The following DST variants were observed in gnomAD, a reference collection of about 807,000 sequenced individuals.
DST encodes dystonin.
A neutral mutation model predicts 875.2 loss-of-function variants in DST; 253 were observed. That is an observed-to-expected ratio of 0.29 (90% CI 0.26 to 0.32). The LOEUF (loss-of-function observed/expected upper bound fraction) is 0.32. Among genes scored for constraint, DST ranks in the 10% least tolerant of loss-of-function variants. The pLI, the probability that DST is intolerant of heterozygous loss-of-function variation, is 1.00. For missense variants in DST, 8,287 were observed against 9,111.6 expected (o/e 0.91, Z 3.68); for synonymous variants, 3,124 against 3,197.1 (o/e 0.98, Z 0.77).
chr6:56,817,240 C>T (rs1048274555), intron 4 of DST, among the ~76,000 whole-genome samples: 1 of 152,024 alleles, frequency 6.6e-6, no homozygotes, highest in Non-Finnish European at 1.5e-5. Context: ...GGTAACCTTA[C>T]TGATCTAATA....
rs9475734 is a variant in DST, at chr6:56,824,211, T to G, written c.625+27186A>C. On this transcript the variant is annotated intron_variant, in intron 4 of 103. Coordinates refer to ENST00000680361, the MANE Select transcript of DST (RefSeq NM_001374736.1). ...TTTTTGGTGGAGACAGGGTTTCGCTTTGTTGGCCGGGCTGGTCTCCAGCTC... is the reference window on the plus strand; with the variant it reads ...TTTTTGGTGGAGACAGGGTTTCGCTGTGTTGGCCGGGCTGGTCTCCAGCTC... Among the ~76,000 whole-genome samples, 821 of 152,290 alleles carry G rather than the reference T, an allele frequency of 5.4e-3. 6 individuals carry two copies. Among genetic ancestry groups the G allele is most frequent in the African/African-American group, 0.018 (741 of 41,586 alleles).
chr6:56,573,154 A>C, intron 51 of DST, 90 bp from the exon 52 acceptor site: 1 of 1,133,198 alleles, frequency 8.8e-7, no homozygotes, highest in Non-Finnish European at 1.2e-6. Flanking sequence ...CTAACAACAT[A>C]AGCTTGCACA....
chr6:56,618,875 T>C (rs751617580), intron 36 of DST: 2 of 1,614,048 alleles, frequency 1.2e-6, no homozygotes, highest in African/African-American at 2.7e-5. Flanking sequence ...TAATTCGTCT[T>C]GTACTTTTTT....
intron 3 of DST, among the ~76,000 whole-genome samples, chr6:56,855,112 T>C (rs1359662594): frequency 2.0e-5 from 3 of 152,216 alleles, no homozygotes; most frequent in Non-Finnish European, 4.4e-5. Context: ...TCTGGACTGA[T>C]ACTGAATCTC....
chr6:56,762,803 T>G (rs1289974554), intron 4 of DST, among the ~76,000 whole-genome samples: 1 of 152,106 alleles, frequency 6.6e-6, no homozygotes, highest in Non-Finnish European at 1.5e-5. Flanking sequence ...ACAATCACTT[T>G]GTACTATACC....
chr6:56,611,744 G>C, intron 37 of DST, 148 bp from the exon 38 acceptor site: 1 of 602,922 alleles, frequency 1.7e-6, no homozygotes. Context: ...GTTATTAGCA[G>C]TCTATAGAGC....
At chr6:56,460,802 A>G (rs144820427) in intron 102 of DST, 4,476 of 152,392 alleles carry the variant, frequency 0.029, 82 homozygotes, top group Non-Finnish European at 0.042. Context: ...TGATTTTTAA[A>G]TAACTTGCTA....
At chr6:56,654,709 C>A (rs1206528183) in intron 10 of DST, among the ~76,000 whole-genome samples, 17 of 151,526 alleles carry the variant, frequency 1.1e-4, no homozygotes, top group Admixed American at 1.1e-3. Context: ...TAACAGGTAG[C>A]CAAAGCTAGC....
chr6:56,790,442 T>A (rs1161463754), intron 4 of DST, among the ~76,000 whole-genome samples: 1 of 152,198 alleles, frequency 6.6e-6, no homozygotes, highest in African/African-American at 2.4e-5. Flanking sequence ...AACTGTCTTA[T>A]TAATTCTCAG....
chr6:56,855,670 A>T (rs560611752), intron 3 of DST, among the ~76,000 whole-genome samples: 1 of 152,310 alleles, frequency 6.6e-6, no homozygotes, highest in African/African-American at 2.4e-5. Context: ...GCATTTATTC[A>T]TGCATTCCTT....
intron 4 of DST, among the ~76,000 whole-genome samples, chr6:56,837,934 T>C (rs909539075): frequency 1.6e-5 from 2 of 122,192 alleles, no homozygotes; most frequent in African/African-American, 2.8e-5. Flanking sequence ...AAAAAAAAAA[T>C]GAATAAGAAG....
intron 82 of DST, 95 bp from the exon 83 acceptor site, chr6:56,494,275 T>C (rs1420764698): frequency 8.5e-7 from 1 of 1,175,592 alleles, no homozygotes; most frequent in African/African-American, 1.5e-5. Flanking sequence ...CCTCATCATA[T>C]ATTCATCTCT....
Position 56,476,207 on chromosome 6 carries a change from T to A in DST, c.21806A>T (p.Asp7269Val). 6.2e-7 allele frequency: 1 copy of A among 1,613,146 alleles called. No individual in the cohort carries two copies. Among genetic ancestry groups the A allele is most frequent in the East Asian group, 2.2e-5 (1 of 44,882 alleles). The change falls in exon 92 of 104, where the codon GAT becomes GTT. Residue 7269 changes from aspartate (D) to valine (V), a missense_variant. By Grantham distance (152) the Asp-to-Val change is radical. This residue lies in a region of DST where 1,292 missense variants were observed against 1,552.7 expected (regional missense o/e 0.83). Coordinates refer to ENST00000680361, the MANE Select transcript of DST (RefSeq NM_001374736.1). Reference sequence around the variant, plus strand: ...GATCTCCTGGGGGATGACTTCTTTATCCTTATCAGTAAGTGTAGTTTCAGC... The same window carrying A: ...GATCTCCTGGGGGATGACTTCTTTAACCTTATCAGTAAGTGTAGTTTCAGC... ...QWAETTLTDK[D>V]KEVIPQEIEE...
chr6:56,901,984 G>A (rs1045559791), intron 2 of DST, among the ~76,000 whole-genome samples: 26 of 152,312 alleles, frequency 1.7e-4, no homozygotes, highest in African/African-American at 5.8e-4. Context: ...GACTCTCAGC[G>A]CTAGCAGATC....
chr6:56,898,491 G>A (rs950661162), intron 3 of DST, among the ~76,000 whole-genome samples: 3 of 152,256 alleles, frequency 2.0e-5, no homozygotes, highest in Non-Finnish European at 2.9e-5. Context: ...CACATGGGGA[G>A]ATTAGAAGAA....
chr6:56,600,131 GGT>G lies in DST; in HGVS notation c.11630_11631del (p.His3877ProfsTer12). On this transcript the variant is annotated frameshift_variant, in exon 45 of 104. Transcript: ENST00000680361. LOFTEE classifies it high-confidence loss of function. Reference sequence around the variant, plus strand: ...CCATCTCCAATCATGAAGGCTTCTTGGTGACCAATTAGGCGGTTTTCAGTTTG... The same window carrying G: ...CCATCTCCAATCATGAAGGCTTCTTGGACCAATTAGGCGGTTTTCAGTTTG... ...LTQTENRLIG[H>X]QEAFMIGDGT... The G allele has an allele frequency of 6.2e-7, 1 of 1,612,926 alleles. No individual in the cohort carries two copies. Among genetic ancestry groups the G allele is most frequent in the Non-Finnish European group, 8.5e-7 (1 of 1,179,196 alleles).
chr6:56,794,155 G>A (rs2099735865), intron 4 of DST, among the ~76,000 whole-genome samples: 1 of 152,186 alleles, frequency 6.6e-6, no homozygotes, highest in South Asian at 2.1e-4. Flanking sequence ...CCAAGTATGA[G>A]TTACTGCTAC....
Position 56,529,965 on chromosome 6 carries a change from A to G in DST, c.17268+9T>C. 1.2e-6 allele frequency: 2 copies of G among 1,612,684 alleles called. No individual in the cohort carries two copies. Among genetic ancestry groups the G allele is most frequent in the Non-Finnish European group, 1.7e-6 (2 of 1,179,410 alleles). On this transcript the variant is annotated intron_variant, in intron 65 of 103. Transcript: ENST00000680361. ...ACTGAACCTCGCTAATGTGTGATTT[A>G]TATCTTACTTTGTGCTGTGCAATTT... is the stretch of plus-strand genomic sequence containing the variant.
chr6:56,871,592 T>A, intron 3 of DST: 8 of 827,146 alleles, frequency 9.7e-6, no homozygotes, highest in Non-Finnish European at 1.7e-5. Flanking sequence ...GAGCTCATGG[T>A]TGGATTAACC....
Sources: gnomAD v4.1 joint callset for allele counts (sites outside exome capture counted in the v4.1 genomes callset) on GRCh38, gnomAD v4.1.1 for gene constraint, gnomAD v4.1.1 regional missense constraint, MANE v1.5 for transcripts, NCBI Gene and HGNC (gene_info 2026-07-23, HGNC 2026-07-21) for gene names.